ISY1: variants seen among roughly 807,000 people sequenced by gnomAD.
ISY1 encodes pre-mRNA-splicing factor ISY1 homolog.
Under a neutral mutation model 54.4 loss-of-function variants are expected in ISY1, and 12 were observed. The ratio of observed to expected loss-of-function variants is 0.22; its 90% CI spans 0.14 to 0.36. The LOEUF (loss-of-function observed/expected upper bound fraction) is 0.36, where lower values mean the gene tolerates loss of function less well. Ranked by LOEUF, ISY1 falls within the 10% of genes least tolerant of loss-of-function variation. The pLI, the probability that ISY1 is intolerant of heterozygous loss-of-function variation, is 1.00. For missense variants in ISY1, 282 were observed against 342.2 expected, an observed-to-expected ratio of 0.82 and a Z score of 1.39; for synonymous variants, 96 against 117.9, an observed-to-expected ratio of 0.81 and a Z score of 1.20.
In ISY1 at chr3:129,127,623, A is replaced by G. The variant is rs1936126096; in HGVS notation, c.*2458T>C. Reference sequence around the variant, plus strand: ...CTAGGGCCTTTGGGCACAGACAAGTAGCAAGGGCCTCTGCCAGGAACACCT... The same window carrying G: ...CTAGGGCCTTTGGGCACAGACAAGTGGCAAGGGCCTCTGCCAGGAACACCT... On this transcript the variant is annotated 3_prime_UTR_variant, in exon 11 of 11. Transcript: ENST00000393295. 6.6e-6 allele frequency: 1 copy of G among 152,242 alleles called. No individual in the cohort carries two copies. Among genetic ancestry groups the G allele is most frequent in the African/African-American group, 2.4e-5 (1 of 41,450 alleles). 9.4% of individuals were successfully genotyped at this position (152,242 alleles called of 1,614,324 possible).
chr3:129,146,998 G>C (rs1419824109), intron 5 of ISY1, among the ~76,000 whole-genome samples: 1 of 151,912 alleles, frequency 6.6e-6, no homozygotes, highest in Non-Finnish European at 1.5e-5. Flanking sequence ...AGTGGAGACT[G>C]CAGTGAGCTG....
At chr3:129,159,273 C>A in intron 1 of ISY1, 97 bp from the exon 2 acceptor site, 1 of 1,484,412 alleles carries the variant, frequency 6.7e-7, no homozygotes, top group South Asian at 1.2e-5. Flanking sequence ...AGAATACAAT[C>A]ACAAGCAAAC....
At chr3:129,139,315 G>A (rs1212492581) in intron 7 of ISY1, among the ~76,000 whole-genome samples, 1 of 152,144 alleles carries the variant, frequency 6.6e-6, no homozygotes, top group Non-Finnish European at 1.5e-5. Flanking sequence ...TTAAGGGATG[G>A]TAGTGGCCTA....
rs1334338349 is a variant in ISY1 at position 129,143,137 on chromosome 3, C to A, written c.300+2624G>T. On this transcript the variant is annotated intron_variant, in intron 6 of 10. Transcript: ENST00000393295. Reference sequence around the variant, plus strand: ...GGCTGAGGTAAAAGGATTACTTGCACCTGGAGTCAAGGCTGCAGTGAGCCA... The same window carrying A: ...GGCTGAGGTAAAAGGATTACTTGCAACTGGAGTCAAGGCTGCAGTGAGCCA... 2.6e-5 allele frequency among the ~76,000 whole-genome samples: 4 copies of A among 152,086 alleles called. No individual in the cohort carries two copies. The South Asian group carries it at 6.2e-4, about 24-fold the overall frequency.
chr3:129,158,762 G>C (rs1354379330), intron 2 of ISY1, among the ~76,000 whole-genome samples: 1 of 152,098 alleles, frequency 6.6e-6, no homozygotes. Flanking sequence ...TTGTATTCCT[G>C]AACACCCAAG....
At chr3:129,144,599 A>G (rs1936718219) in intron 6 of ISY1, among the ~76,000 whole-genome samples, 1 of 152,230 alleles carries the variant, frequency 6.6e-6, no homozygotes, top group African/African-American at 2.4e-5. Context: ...TTAGTGCATC[A>G]TGAAATCAGT....
chr3:129,152,603 A>C (rs1186877844), intron 5 of ISY1, among the ~76,000 whole-genome samples: 1 of 151,780 alleles, frequency 6.6e-6, no homozygotes, highest in African/African-American at 2.4e-5. Flanking sequence ...ACGGGGTTTC[A>C]CCGTGTGTTA....
At chr3:129,130,416 G>A (rs1293061400) in intron 10 of ISY1, 134 bp downstream of exon 10, 2 of 1,211,138 alleles carry the variant, frequency 1.7e-6, no homozygotes, top group Non-Finnish European at 2.3e-6. Flanking sequence ...TGAACACAAT[G>A]ACAGGTGTCA....
intron 7 of ISY1, 90 bp downstream of exon 7, chr3:129,140,278 A>C: frequency 8.5e-7 from 1 of 1,182,330 alleles, no homozygotes; most frequent in South Asian, 1.5e-5. Flanking sequence ...TATGCAACTA[A>C]GAAAAAAAAG....
At chr3:129,150,063 C>T (rs1440441179) in intron 5 of ISY1, among the ~76,000 whole-genome samples, 2 of 151,802 alleles carry the variant, frequency 1.3e-5, no homozygotes, top group Non-Finnish European at 2.9e-5. Flanking sequence ...GGTCTATGTG[C>T]CCTGTCCTTT....
chr3:129,147,511 C>T (rs945720571), intron 5 of ISY1, among the ~76,000 whole-genome samples: 10 of 152,292 alleles, frequency 6.6e-5, no homozygotes, highest in Admixed American at 3.3e-4. Flanking sequence ...CTCAAGGCAG[C>T]CCAATCCTCT....
At chr3:129,160,917 C>CGCCCCCGGGGGGGGGGGGGG in intron 1 of ISY1, 56 bp downstream of exon 1, 1 of 668,474 alleles carries the variant, frequency 1.5e-6, no homozygotes, top group Non-Finnish European at 2.7e-6. Flanking sequence ...GTGGACTGGG[C>CGCCCCCGGGGGGGGGGGGGG]GCCCCCCCGC....
rs1179041942 is a variant in ISY1 at position 129,134,734 on chromosome 3, T to A, written c.541+98A>T. On this transcript the variant is annotated intron_variant, in intron 8 of 10. Coordinates refer to ENST00000393295, the MANE Select transcript of ISY1 (RefSeq NM_020701.4). The stretch of plus-strand genomic sequence containing the variant: ...GAAGATCATTAGCAACAAAGAAAAC[T>A]CCCTTCTGGCATAAAGCACTATTGA... The A allele has an allele frequency of 5.6e-6, 8 of 1,434,202 alleles. No homozygotes were observed. In the East Asian group the frequency reaches 1.4e-4, roughly 25 times the overall value. The allele number at this position is 1,434,202 out of a possible 1,614,324, so 88.8% of individuals were successfully genotyped here.
Position 129,130,415 on chromosome 3 carries a change from T to C in ISY1, c.750+135A>G, listed in dbSNP as rs560974616. On this transcript the variant is annotated intron_variant, in intron 10 of 10. Coordinates refer to ENST00000393295, the MANE Select transcript of ISY1 (RefSeq NM_020701.4). ...TTTGGACCCCACACCCTGAACACAA[T>C]GACAGGTGTCATGTGGTCAGGACCC... is the stretch of plus-strand genomic sequence containing the variant. 337 of 1,210,196 alleles carry C rather than the reference T, an allele frequency of 2.8e-4. 2 individuals carry two copies. Among genetic ancestry groups the C allele is most frequent in the South Asian group, 1.1e-3 (68 of 63,654 alleles). The allele number at this position is 1,210,196 out of a possible 1,614,324, so 75.0% of individuals were successfully genotyped here. A position where few individuals can be genotyped will look rare whatever the true frequency, so the allele number is the denominator to read the frequency against.
At chr3:129,158,947 G>A (rs1042411733) in intron 2 of ISY1, among the ~76,000 whole-genome samples, 5 of 152,250 alleles carry the variant, frequency 3.3e-5, no homozygotes, top group African/African-American at 4.8e-5. Flanking sequence ...CAGTGTTTAA[G>A]TTCTGGAAAC....
intron 9 of ISY1, among the ~76,000 whole-genome samples, chr3:129,130,967 T>C (rs1463798771): frequency 6.6e-5 from 10 of 152,256 alleles, no homozygotes; most frequent in Admixed American, 6.5e-4. Context: ...AATGTATCAC[T>C]ATTTTAAAAA....
chr3:129,158,669 A>C lies in ISY1; in HGVS notation c.27-110T>G, dbSNP rs770871401. The C allele has an allele frequency of 2.4e-5, 33 of 1,399,874 alleles. No homozygotes were observed. The Admixed American group carries it at 4.5e-4, about 19-fold the overall frequency. The allele number at this position is 1,399,874 out of a possible 1,614,324, so 86.7% of individuals were successfully genotyped here. A position where few individuals can be genotyped will look rare whatever the true frequency, so the allele number is the denominator to read the frequency against. On this transcript the variant is annotated intron_variant, in intron 2 of 10. Coordinates refer to ENST00000393295, the MANE Select transcript of ISY1 (RefSeq NM_020701.4). ...TCTGCTTATGACCATATTTAATGTC[A>C]TTCATATACAAATATTGTAATTAAG...
Position 129,134,967 on chromosome 3 carries a change from G to T in ISY1, c.419-13C>A, listed in dbSNP as rs753260105. 8 of 1,597,446 alleles carry T rather than the reference G, an allele frequency of 5.0e-6. No homozygotes were observed. In the East Asian group the frequency reaches 1.8e-4, roughly 36 times the overall value. ...GGAGGAGGAAGAGCTATAAGAAACA[G>T]AAATGGAGCTGAGTTTCCAAGTCAT... is the stretch of plus-strand genomic sequence containing the variant. On this transcript the variant is annotated splice_polypyrimidine_tract_variant and intron_variant, in intron 7 of 10. Coordinates refer to ENST00000393295, the MANE Select transcript of ISY1 (RefSeq NM_020701.4).
intron 1 of ISY1, 53 bp downstream of exon 1, chr3:129,160,920 C>CCCCCCCA: frequency 1.9e-6 from 1 of 535,100 alleles, no homozygotes; most frequent in Non-Finnish European, 3.5e-6. Flanking sequence ...GACTGGGCGC[C>CCCCCCCA]CCCCCGCCCG....
Sources: gnomAD v4.1 joint callset for allele counts (sites outside exome capture counted in the v4.1 genomes callset) on GRCh38, gnomAD v4.1.1 for gene constraint, MANE v1.5 for transcripts, NCBI Gene and HGNC (gene_info 2026-07-23, HGNC 2026-07-21) for gene names.